The following ZNF432 variants were observed in gnomAD, a reference collection of about 807,000 sequenced individuals.
The protein encoded by ZNF432 is zinc finger protein 432.
A neutral mutation model predicts 13.9 loss-of-function variants in ZNF432; 10 were observed. The ratio of observed to expected loss-of-function variants is 0.72; its 90% confidence interval spans 0.44 to 1.22. The LOEUF is 1.22. ZNF432 is among the 50% of genes most tolerant of loss of function. ZNF432 has a pLI of 0.00. For synonymous variants in ZNF432, 247 were observed against 256.2 expected (o/e 0.96, Z 0.34); for missense variants, 793 against 796.2 (o/e 1.00, Z 0.05).
chr19:52,044,825 T>G (rs968004756), intron 2 of ZNF432, among the ~76,000 whole-genome samples: 4 of 152,222 alleles, frequency 2.6e-5, no homozygotes, highest in Admixed American at 6.5e-5. Flanking sequence ...CATGTATGAC[T>G]TTAGACAAAT....
chr19:52,046,724 G>T, intron 2 of ZNF432, 130 bp downstream of exon 2: 1 of 893,362 alleles, frequency 1.1e-6, no homozygotes, highest in South Asian at 1.9e-5. Context: ...CTATATTCCT[G>T]ATCTTACTTT....
Position 52,034,385 on chromosome 19 carries a change from T to C in ZNF432, c.1294A>G (p.Ser432Gly). The C allele has an allele frequency of 6.2e-7, 1 of 1,614,066 alleles. No individual in the cohort carries two copies. Among genetic ancestry groups the C allele is most frequent in the South Asian group, 1.1e-5 (1 of 91,064 alleles). The change falls in exon 5 of 5, where the codon AGT becomes GGT. Residue 432 changes from serine (S) to glycine (G), a missense_variant. Ser to Gly is a moderately conservative substitution (Grantham distance 56, BLOSUM62 0). Transcript: ENST00000221315. ...NHTVEKSYLC[S>G]ECGKGFTVKS... ...ACAGTAAAACCTTTTCCACATTCAC[T>C]ACATAGATATGACTTCTCTACTGTA... is the stretch of plus-strand genomic sequence containing the variant.
chr19:52,045,365 T>C (rs1185255012), intron 2 of ZNF432, among the ~76,000 whole-genome samples: 1 of 138,894 alleles, frequency 7.2e-6, no homozygotes, highest in Non-Finnish European at 1.5e-5. Flanking sequence ...TTTTTTTTTT[T>C]TTTTTTTCGA....
chr19:52,031,763 T>C lies in ZNF432; in HGVS notation c.*1957A>G. ...CTGTAATCCCAGCACTTTGGGAGGC[T>C]GAGGCGGGTGGACCGCCCGGGGTCG... is the stretch of plus-strand genomic sequence containing the variant. On this transcript the variant is annotated 3_prime_UTR_variant, in exon 5 of 5. Transcript: ENST00000221315. 6.6e-6 allele frequency: 1 copy of C among 152,558 alleles called. No individual in the cohort carries two copies. Among genetic ancestry groups the C allele is most frequent in the Non-Finnish European group, 1.5e-5 (1 of 68,244 alleles). 9.5% of individuals were successfully genotyped at this position (152,558 alleles called of 1,614,324 possible). A position where few individuals can be genotyped will look rare whatever the true frequency, so the allele number is the denominator to read the frequency against.
intron 3 of ZNF432, among the ~76,000 whole-genome samples, chr19:52,040,965 A>ATGG (rs985361845): frequency 9.2e-5 from 14 of 151,808 alleles, no homozygotes; most frequent in Admixed American, 7.9e-4. Context: ...TTAGCCAAGC[A>ATGG]TGGTGGTTTG....
intron 4 of ZNF432, 106 bp downstream of exon 4, chr19:52,040,382 G>A (rs1018084185): frequency 4.4e-5 from 43 of 980,914 alleles, no homozygotes; most frequent in Middle Eastern, 2.1e-4. Context: ...GAGGGAAAAC[G>A]ATTCCCATTC....
intron 2 of ZNF432, among the ~76,000 whole-genome samples, chr19:52,045,855 C>T (rs2087176349): frequency 6.6e-6 from 1 of 151,072 alleles, no homozygotes; most frequent in Non-Finnish European, 1.5e-5. Context: ...ACTAGCCAGG[C>T]ATGCAAGTGC....
intron 2 of ZNF432, among the ~76,000 whole-genome samples, chr19:52,042,636 G>A (rs1375565930): frequency 6.6e-6 from 1 of 152,150 alleles, no homozygotes; most frequent in Non-Finnish European, 1.5e-5. Flanking sequence ...AAGACAGAGT[G>A]AGGCCTAACA....
intron 2 of ZNF432, among the ~76,000 whole-genome samples, chr19:52,046,086 A>G (rs187832008): frequency 2.6e-3 from 393 of 152,016 alleles, no homozygotes; most frequent in South Asian, 2.9e-3. Flanking sequence ...TAAAAGCAAT[A>G]TAAGTATGCA....
chr19:52,035,618 C>T lies in ZNF432; in HGVS notation c.239-178G>A, dbSNP rs144382242. Among the ~76,000 whole-genome samples, 86 of 152,230 alleles carry T rather than the reference C, an allele frequency of 5.6e-4. 1 individual carries two copies. The East Asian group carries it at 0.014, about 26-fold the overall frequency. ...TATGATCTCAGCTCACTGCAACCTC[C>T]GCCTCCTGGGTTCAACCAATTCTCC... On this transcript the variant is annotated intron_variant, in intron 4 of 4. Transcript: ENST00000221315.
At position 52,034,440 on chromosome 19, in the gene ZNF432, C is replaced by T. The variant is rs1197682602; in HGVS notation, c.1239G>A (p.Lys413=). ...TTCTCTGATGTACAATAAGATTACT[C>T]TTCCTGGGAAAGCCTTTTCCACATT... ...CSECGKGFPR[K]SNLIVHQRNH... Residue 413 remains lysine (K), a synonymous_variant, in exon 5 of 5, where the codon AAG becomes AAA. Transcript: ENST00000221315. The T allele has an allele frequency of 6.2e-7, 1 of 1,613,734 alleles. No individual in the cohort carries two copies. Among genetic ancestry groups the T allele is most frequent in the Admixed American group, 1.7e-5 (1 of 59,982 alleles).
Position 52,036,191 on chromosome 19 carries a change from A to T in ZNF432, c.239-751T>A, listed in dbSNP as rs1405866837. Among the ~76,000 whole-genome samples the T allele has an allele frequency of 2.6e-5, 4 of 152,234 alleles. No individual in the cohort carries two copies. In the East Asian group the frequency reaches 7.7e-4, roughly 29 times the overall value. On this transcript the variant is annotated intron_variant, in intron 4 of 4. Transcript: ENST00000221315. ...TTATTCACTCCACTAGTTATTTGTC[A>T]AATGACTCCTATGGACAAGGCACTC...
In ZNF432 at chr19:52,033,722, A is replaced by T; in HGVS notation, c.1957T>A (p.Ter653ArgextTer31). The stretch of plus-strand genomic sequence containing the variant: ...GCATGAACATGTCCACTGCATTGTC[A>T]GGGTTTGTTTCCATTATGAGTTCGC... ...HQRTHNGNKP[*>R] Residue 653 changes from the stop codon to arginine (R), a stop_lost, in exon 5 of 5, where the codon TGA (stop) becomes AGA (arginine). Coordinates refer to ENST00000221315, the MANE Select transcript of ZNF432 (RefSeq NM_014650.4). 6 of 1,576,074 alleles carry T rather than the reference A, an allele frequency of 3.8e-6. No homozygotes were observed. The highest frequency in any genetic ancestry group is 5.2e-6 in the Non-Finnish European group (6 of 1,164,072).
chr19:52,040,939 C>CA (rs137978203), intron 3 of ZNF432, among the ~76,000 whole-genome samples: 141 of 124,914 alleles, frequency 1.1e-3, no homozygotes, highest in African/African-American at 1.2e-3. Context: ...TCCATCTCTA[C>CA]AAAAAAAAAA....
At chr19:52,036,247 T>A (rs1223394709) in intron 4 of ZNF432, among the ~76,000 whole-genome samples, 1 of 152,254 alleles carries the variant, frequency 6.6e-6, no homozygotes, top group African/African-American at 2.4e-5. Flanking sequence ...AAAATATGCC[T>A]TCTTTTCACT....
Position 52,034,495 on chromosome 19 carries a change from T to C in ZNF432, c.1184A>G (p.His395Arg), listed in dbSNP as rs370952582. 1 of 1,614,088 alleles carries C rather than the reference T, an allele frequency of 6.2e-7. No homozygotes were observed. The highest frequency in any genetic ancestry group is 8.5e-7 in the Non-Finnish European group (1 of 1,180,004). The change falls in exon 5 of 5, where the codon CAT (histidine) becomes CGT (arginine). Residue 395 changes from histidine to arginine, a missense_variant. By Grantham distance (29) the His-to-Arg change is conservative (BLOSUM62 0). Coordinates refer to ENST00000221315, the MANE Select transcript of ZNF432 (RefSeq NM_014650.4). ...KSRMIEHQRT[H>R]TGEKPYICSE... is the part of the protein sequence containing the mutation. ...GCATATGTAGGGTTTCTCTCCTGTA[T>C]GAGTTCGTTGATGTTCGATCATACG...
chr19:52,036,236 C>A (rs1477816060), intron 4 of ZNF432, among the ~76,000 whole-genome samples: 1 of 152,132 alleles, frequency 6.6e-6, no homozygotes, highest in East Asian at 1.9e-4. Flanking sequence ...TTGGGATACA[C>A]AAAATATGCC....
intron 2 of ZNF432, among the ~76,000 whole-genome samples, chr19:52,045,352 C>CTTTTTTTTTT (rs11433756): frequency 9.3e-6 from 1 of 107,556 alleles, no homozygotes; most frequent in Non-Finnish European, 1.8e-5. Flanking sequence ...CTTTTTTTAC[C>CTTTTTTTTTT]TTTTTTTTTT....
intron 4 of ZNF432, among the ~76,000 whole-genome samples, chr19:52,039,940 C>G (rs2087118826): frequency 6.6e-6 from 1 of 151,032 alleles, no homozygotes; most frequent in African/African-American, 2.4e-5. Context: ...GAAAATCTTC[C>G]AAAATTGACT....
Sources: gnomAD v4.1 joint callset for allele counts (sites outside exome capture counted in the v4.1 genomes callset) on GRCh38, gnomAD v4.1.1 for gene constraint, MANE v1.5 for transcripts, NCBI Gene and HGNC (gene_info 2026-07-23, HGNC 2026-07-21) for gene names.